Variants in PIK3IP1 observed in about 807,000 individuals in gnomAD.
PIK3IP1 encodes the protein phosphoinositide-3-kinase-interacting protein 1.
A neutral mutation model predicts 30.7 loss-of-function variants in PIK3IP1; 28 were observed. The ratio of observed to expected loss-of-function variants is 0.91; its 90% CI spans 0.68 to 1.25. The LOEUF (loss-of-function observed/expected upper bound fraction) is 1.25. Ranked by LOEUF, PIK3IP1 falls within the 50% of genes most tolerant of loss-of-function variation. PIK3IP1 has a pLI of 0.00. For missense variants in PIK3IP1, 333 were observed against 346.2 expected, an observed-to-expected ratio of 0.96 and a Z score of 0.30; for synonymous variants, 159 against 140.8, an observed-to-expected ratio of 1.13 and a Z score of -0.91.
intron 3 of PIK3IP1, 144 bp from the exon 4 acceptor site, chr22:31,289,843 C>G (rs944992604): frequency 1.2e-6 from 1 of 845,598 alleles, no homozygotes; most frequent in Non-Finnish European, 1.8e-6. Flanking sequence ...AATTCTGCCC[C>G]AGAGGTAAGA....
At chr22:31,288,454 T>G (rs1343339215) in intron 5 of PIK3IP1, among the ~76,000 whole-genome samples, 1 of 150,024 alleles carries the variant, frequency 6.7e-6, no homozygotes, top group Non-Finnish European at 1.5e-5. Context: ...GAAGGAAAAA[T>G]GCAGGCTACT....
In PIK3IP1 at chr22:31,292,392, G is replaced by T; in HGVS notation, c.-48C>A. 2 of 1,581,652 alleles carry T rather than the reference G, an allele frequency of 1.3e-6. No individual in the cohort carries two copies. The highest frequency in any genetic ancestry group is 2.2e-5 in the South Asian group (2 of 90,398). ...GTGATTGAACGACCAGTGTTTAACC[G>T]AGGCCCCCTTGGCGGCGGCTCTGCC... On this transcript the variant is annotated 5_prime_UTR_variant, in exon 1 of 6. Transcript: ENST00000215912.
At position 31,291,312 on chromosome 22, in the gene PIK3IP1, GC is replaced by G; in HGVS notation, c.71-17del. The G allele has an allele frequency of 3.2e-6, 5 of 1,554,022 alleles. No individual in the cohort carries two copies. Among genetic ancestry groups the G allele is most frequent in the Admixed American group, 3.9e-5 (2 of 51,656 alleles). On this transcript the variant is annotated splice_polypyrimidine_tract_variant and intron_variant, in intron 1 of 5. Transcript: ENST00000215912. ...CAGAAACAGCCTGTGAGGAAAAGAAGCCCCCGGACACAGAATAGCGGGCAGC... is the reference window on the plus strand; with the variant it reads ...CAGAAACAGCCTGTGAGGAAAAGAAGCCCCGGACACAGAATAGCGGGCAGC...
At position 31,282,420 on chromosome 22, in the gene PIK3IP1, C is replaced by T. The variant is rs2049096322; in HGVS notation, c.*664G>A. ...CTATCCTCTTCCTAAGTGGAATGCT[C>T]AGTGCAATTCTTCCTTTCCTTATGA... On this transcript the variant is annotated 3_prime_UTR_variant, in exon 6 of 6. Transcript: ENST00000215912. 1 of 152,662 alleles carries T rather than the reference C, an allele frequency of 6.6e-6. No individual in the cohort carries two copies. The highest frequency in any genetic ancestry group is 2.4e-5 in the African/African-American group (1 of 41,432). 9.5% of individuals were successfully genotyped at this position (152,662 alleles called of 1,614,324 possible). A position where few individuals can be genotyped will look rare whatever the true frequency, so the allele number is the denominator to read the frequency against.
intron 5 of PIK3IP1, among the ~76,000 whole-genome samples, chr22:31,286,949 C>T (rs2049135504): frequency 6.6e-6 from 1 of 151,522 alleles, no homozygotes; most frequent in East Asian, 1.9e-4. Context: ...CAAGTCAATA[C>T]TTTCCCTCTC....
Position 31,282,801 on chromosome 22 carries a change from T to C in PIK3IP1, c.*283A>G. ...TTCAGTTCCAGGGGTGCAGGCAATG[T>C]TTGGAAGCCCTTAGCAGCAGCATCA... On this transcript the variant is annotated 3_prime_UTR_variant, in exon 6 of 6. Coordinates refer to ENST00000215912, the MANE Select transcript of PIK3IP1 (RefSeq NM_052880.5). 2.6e-6 allele frequency: 1 copy of C among 387,970 alleles called. No individual in the cohort carries two copies. The highest frequency in any genetic ancestry group is 4.8e-6 in the Non-Finnish European group (1 of 208,598). The allele number at this position is 387,970 out of a possible 1,614,324, so 24.0% of individuals were successfully genotyped here.
At chr22:31,290,721 A>G in intron 3 of PIK3IP1, 1 of 510,056 alleles carries the variant, frequency 2.0e-6, no homozygotes, top group Non-Finnish European at 3.3e-6. Flanking sequence ...GGAGAGACCT[A>G]GCCTCACCCC....
At chr22:31,287,621 C>T (rs545636620) in intron 5 of PIK3IP1, among the ~76,000 whole-genome samples, 3 of 152,222 alleles carry the variant, frequency 2.0e-5, no homozygotes, top group Non-Finnish European at 4.4e-5. Flanking sequence ...TGAGCCACCA[C>T]GCCCAGCCAC....
At chr22:31,286,077 G>T (rs1174926022) in intron 5 of PIK3IP1, among the ~76,000 whole-genome samples, 1 of 151,950 alleles carries the variant, frequency 6.6e-6, no homozygotes, top group Non-Finnish European at 1.5e-5. Flanking sequence ...GGAGGCTGAG[G>T]CAGGAGAATC....
Position 31,291,056 on chromosome 22 carries a change from G to A in PIK3IP1, c.216C>T (p.Asn72=). The A allele has an allele frequency of 1.9e-6, 3 of 1,563,622 alleles. No homozygotes were observed. Among genetic ancestry groups the A allele is most frequent in the Non-Finnish European group, 2.6e-6 (3 of 1,153,148 alleles). ...SGAGNHSYCR[N]PDEDPRGPWC... ...AGGGCCCGCGCGGGTCCTCGTCCGG[G>A]TTTCGGCAGTAACTGTGATTGCCGG... Residue 72 remains asparagine, a synonymous_variant, in exon 3 of 6, where the codon AAC becomes AAT. Coordinates refer to ENST00000215912, the MANE Select transcript of PIK3IP1 (RefSeq NM_052880.5).
At chr22:31,284,047 G>A (rs1569010253) in intron 5 of PIK3IP1, among the ~76,000 whole-genome samples, 1 of 152,134 alleles carries the variant, frequency 6.6e-6, no homozygotes, top group Non-Finnish European at 1.5e-5. Context: ...CAGGATTACA[G>A]GCATGCGCCA....
At position 31,282,956 on chromosome 22, in the gene PIK3IP1, G is replaced by A. The variant is rs2049100593; in HGVS notation, c.*128C>T. 2 of 718,578 alleles carry A rather than the reference G, an allele frequency of 2.8e-6. No homozygotes were observed. Among genetic ancestry groups the A allele is most frequent in the Admixed American group, 2.6e-5 (1 of 37,866 alleles). The allele number at this position is 718,578 out of a possible 1,614,324, so 44.5% of individuals were successfully genotyped here. On this transcript the variant is annotated 3_prime_UTR_variant, in exon 6 of 6. Transcript: ENST00000215912. ...CCACCTGCTTCTGTCACTCTTACTA[G>A]GATTCGCCAAAAAAGCGGGGGAGTG... is the stretch of plus-strand genomic sequence containing the variant.
chr22:31,291,045 T>C lies in PIK3IP1; in HGVS notation c.227A>G (p.Asp76Gly). ...NHSYCRNPDE[D>G]PRGPWCYVSG... ...GACGTAGCACCAGGGCCCGCGCGGG[T>C]CCTCGTCCGGGTTTCGGCAGTAACT... The change falls in exon 3 of 6, where the codon GAC (aspartate) becomes GGC (glycine). Residue 76 changes from aspartate to glycine, a missense_variant. Coordinates refer to ENST00000215912, the MANE Select transcript of PIK3IP1 (RefSeq NM_052880.5). 1 of 1,570,972 alleles carries C rather than the reference T, an allele frequency of 6.4e-7. No individual in the cohort carries two copies. The highest frequency in any genetic ancestry group is 8.6e-7 in the Non-Finnish European group (1 of 1,157,264).
At position 31,291,044 on chromosome 22, in the gene PIK3IP1, G is replaced by T. The variant is rs868696431; in HGVS notation, c.228C>A (p.Asp76Glu). 6.4e-7 allele frequency: 1 copy of T among 1,571,964 alleles called. No homozygotes were observed. Among genetic ancestry groups the T allele is most frequent in the Admixed American group, 1.8e-5 (1 of 54,918 alleles). ...TGACGTAGCACCAGGGCCCGCGCGG[G>T]TCCTCGTCCGGGTTTCGGCAGTAAC... The part of the protein sequence containing the change: ...NHSYCRNPDE[D>E]PRGPWCYVSG... Residue 76 changes from aspartate (D) to glutamate (E), a missense_variant, in exon 3 of 6, where the codon GAC (aspartate) becomes GAA (glutamate). Transcript: ENST00000215912.
At chr22:31,289,454 C>G in intron 4 of PIK3IP1, 45 bp downstream of exon 4, 3 of 1,557,486 alleles carry the variant, frequency 1.9e-6, no homozygotes, top group Non-Finnish European at 2.6e-6. Flanking sequence ...CAAATGACAT[C>G]TCTTGATGAA....
intron 5 of PIK3IP1, among the ~76,000 whole-genome samples, chr22:31,283,866 T>TGC (rs2123884498): frequency 1.3e-5 from 2 of 152,280 alleles, no homozygotes; most frequent in East Asian, 3.9e-4. Flanking sequence ...CTCCCAGAGA[T>TGC]GCTTATTACT....
chr22:31,292,205 T>C, intron 1 of PIK3IP1, 70 bp downstream of exon 1: 1 of 1,492,152 alleles, frequency 6.7e-7, no homozygotes. Context: ...CTGGCCCTGT[T>C]TGGGAAATAG....
At position 31,281,901 on chromosome 22, in the gene PIK3IP1, G is replaced by C. The variant is rs2049092081; in HGVS notation, c.*1183C>G. 6.5e-6 allele frequency: 1 copy of C among 152,688 alleles called. No homozygotes were observed. Among genetic ancestry groups the C allele is most frequent in the South Asian group, 2.1e-4 (1 of 4,836 alleles). The allele number at this position is 152,688 out of a possible 1,614,324, so 9.5% of individuals were successfully genotyped here. ...CTCTTGAGTGTGACATCACAGGTTAGAGGCCCTGCTGAGCTGCTAGCACAG... is the reference window on the plus strand; with the variant it reads ...CTCTTGAGTGTGACATCACAGGTTACAGGCCCTGCTGAGCTGCTAGCACAG... On this transcript the variant is annotated 3_prime_UTR_variant, in exon 6 of 6. Transcript: ENST00000215912.
At position 31,282,953 on chromosome 22, in the gene PIK3IP1, C is replaced by A; in HGVS notation, c.*131G>T. 1 of 706,786 alleles carries A rather than the reference C, an allele frequency of 1.4e-6. No individual in the cohort carries two copies. Among genetic ancestry groups the A allele is most frequent in the Non-Finnish European group, 2.3e-6 (1 of 427,962 alleles). 43.8% of individuals were successfully genotyped at this position (706,786 alleles called of 1,614,324 possible). A position where few individuals can be genotyped will look rare whatever the true frequency, so the allele number is the denominator to read the frequency against. ...GGGCCACCTGCTTCTGTCACTCTTACTAGGATTCGCCAAAAAAGCGGGGGA... is the reference window on the plus strand; with the variant it reads ...GGGCCACCTGCTTCTGTCACTCTTAATAGGATTCGCCAAAAAAGCGGGGGA... On this transcript the variant is annotated 3_prime_UTR_variant, in exon 6 of 6. Coordinates refer to ENST00000215912, the MANE Select transcript of PIK3IP1 (RefSeq NM_052880.5).
Sources: gnomAD v4.1 joint callset for allele counts (sites outside exome capture counted in the v4.1 genomes callset) on GRCh38, gnomAD v4.1.1 for gene constraint, MANE v1.5 for transcripts, NCBI Gene and HGNC (gene_info 2026-07-23, HGNC 2026-07-21) for gene names.